FBXL13: variants seen among roughly 807,000 people sequenced by gnomAD.
FBXL13 encodes the protein F-box and leucine rich repeat protein 13.
A neutral mutation model predicts 83.6 loss-of-function variants in FBXL13; 67 were observed. That is an observed-to-expected ratio of 0.80 (90% confidence interval 0.66 to 0.98). The LOEUF (loss-of-function observed/expected upper bound fraction) is 0.98. Among genes scored for constraint, FBXL13 ranks in the 50% least tolerant of loss-of-function variants. The pLI, the probability that FBXL13 is intolerant of heterozygous loss-of-function variation, is 0.00. For synonymous variants in FBXL13, 272 were observed against 299.5 expected (o/e 0.91, Z 0.95); for missense variants, 822 against 866.5 (o/e 0.95, Z 0.64).
chr7:102,829,281 G>A (rs1293688147), intron 18 of FBXL13, among the ~76,000 whole-genome samples: 1 of 152,206 alleles, frequency 6.6e-6, no homozygotes, highest in Non-Finnish European at 1.5e-5. Context: ...TCTGCTTCAT[G>A]AAGCTTTTTG....
intron 17 of FBXL13, among the ~76,000 whole-genome samples, chr7:102,842,992 C>T (rs925369204): frequency 6.6e-6 from 1 of 152,212 alleles, no homozygotes; most frequent in Admixed American, 6.5e-5. Context: ...CCGCCCTTCC[C>T]AGTCCCTTAT....
At chr7:102,956,104 C>G (rs1824227698) in intron 8 of FBXL13, among the ~76,000 whole-genome samples, 1 of 152,114 alleles carries the variant, frequency 6.6e-6, no homozygotes, top group Admixed American at 6.5e-5. Context: ...AGACCAATAT[C>G]CCTGATGAAT....
At chr7:103,071,136 C>G (rs1246077303) in intron 1 of FBXL13, among the ~76,000 whole-genome samples, 1 of 151,336 alleles carries the variant, frequency 6.6e-6, no homozygotes, top group Non-Finnish European at 1.5e-5. Flanking sequence ...TGAAAAAGAT[C>G]CAAACTTGAG....
At chr7:103,019,754 C>A (rs975208633) in intron 6 of FBXL13, among the ~76,000 whole-genome samples, 2 of 152,130 alleles carry the variant, frequency 1.3e-5, no homozygotes, top group African/African-American at 4.8e-5. Flanking sequence ...GACACATACA[C>A]CCTCCCAAGA....
chr7:102,966,378 C>A (rs1369403227), intron 7 of FBXL13, among the ~76,000 whole-genome samples: 1 of 152,140 alleles, frequency 6.6e-6, no homozygotes, highest in Non-Finnish European at 1.5e-5. Context: ...CAGGACCACA[C>A]TTTGAGAACC....
intron 6 of FBXL13, among the ~76,000 whole-genome samples, chr7:103,022,825 G>A (rs1793365896): frequency 1.3e-5 from 2 of 152,078 alleles, no homozygotes; most frequent in South Asian, 4.2e-4. Context: ...TTAACAAATG[G>A]GGCCTAATTA....
chr7:103,056,190 T>C (rs1797314006), intron 1 of FBXL13, among the ~76,000 whole-genome samples: 1 of 152,206 alleles, frequency 6.6e-6, no homozygotes. Context: ...TTAGTTCCTT[T>C]TCATGGCTGA....
chr7:102,949,601 C>T (rs1482588638), intron 8 of FBXL13, among the ~76,000 whole-genome samples: 2 of 151,912 alleles, frequency 1.3e-5, no homozygotes, highest in African/African-American at 4.8e-5. Context: ...CATTTGCTTC[C>T]TTAAAAAAAA....
At chr7:102,959,127 A>G (rs1423263736) in intron 8 of FBXL13, among the ~76,000 whole-genome samples, 1 of 152,112 alleles carries the variant, frequency 6.6e-6, no homozygotes, top group African/African-American at 2.4e-5. Context: ...AATTCAAGAG[A>G]ATCAATTGAC....
At chr7:102,854,107 A>T (rs1473678747) in intron 17 of FBXL13, among the ~76,000 whole-genome samples, 1 of 152,046 alleles carries the variant, frequency 6.6e-6, no homozygotes, top group Non-Finnish European at 1.5e-5. Context: ...AATAGCAAAG[A>T]CTTAGAACCA....
intron 10 of FBXL13, among the ~76,000 whole-genome samples, chr7:102,924,930 G>A (rs977300187): frequency 1.3e-5 from 2 of 152,050 alleles, no homozygotes; most frequent in Admixed American, 6.6e-5. Flanking sequence ...TGCCCGGCCT[G>A]TGTAAGCTTT....
chr7:102,840,641 C>T (rs543122247), intron 17 of FBXL13, among the ~76,000 whole-genome samples: 3 of 152,158 alleles, frequency 2.0e-5, no homozygotes, highest in African/African-American at 7.2e-5. Flanking sequence ...AAAGAGTTCA[C>T]GAACTATTAT....
intron 2 of FBXL13, among the ~76,000 whole-genome samples, chr7:103,049,542 C>G (rs1298659985): frequency 6.6e-6 from 1 of 152,102 alleles, no homozygotes; most frequent in Non-Finnish European, 1.5e-5. Context: ...AAGATTACTA[C>G]AGTAGTTGTA....
At chr7:103,069,056 G>A (rs540211359) in intron 1 of FBXL13, among the ~76,000 whole-genome samples, 2 of 150,866 alleles carry the variant, frequency 1.3e-5, no homozygotes, top group African/African-American at 4.9e-5. Flanking sequence ...GGGAAGTGAG[G>A]AGCACCTCTG....
At chr7:102,961,150 A>G (rs1825130297) in intron 8 of FBXL13, among the ~76,000 whole-genome samples, 1 of 151,266 alleles carries the variant, frequency 6.6e-6, no homozygotes, top group Non-Finnish European at 1.5e-5. Context: ...CAGGATACAA[A>G]ATCAATGCAC....
chr7:102,925,590 G>A (rs998622613), intron 10 of FBXL13, among the ~76,000 whole-genome samples: 2 of 152,114 alleles, frequency 1.3e-5, no homozygotes, highest in Non-Finnish European at 2.9e-5. Context: ...CAGAGCATGG[G>A]AACAGGGATC....
At chr7:103,023,079 A>G (rs988296953) in intron 6 of FBXL13, among the ~76,000 whole-genome samples, 1 of 152,092 alleles carries the variant, frequency 6.6e-6, no homozygotes, top group African/African-American at 2.4e-5. Context: ...GATCGAGACC[A>G]TCCTGGCTAA....
Position 102,832,988 on chromosome 7 carries a change from C to G in FBXL13, c.1720-14G>C, listed in dbSNP as rs1196526596. On this transcript the variant is annotated splice_polypyrimidine_tract_variant and intron_variant, in intron 17 of 19. Coordinates refer to ENST00000313221, the Ensembl canonical transcript of FBXL13. ...TTTGCAGAATGCCTGCAAAAAATTC[C>G]AAGGTCAAATTTTTTCTTTTCTTTA... The G allele has an allele frequency of 2.5e-6, 4 of 1,613,786 alleles. No homozygotes were observed. The highest frequency in any genetic ancestry group is 3.4e-6 in the Non-Finnish European group (4 of 1,179,900).
chr7:102,985,663 G>T (rs1828856116), intron 6 of FBXL13, among the ~76,000 whole-genome samples: 1 of 152,118 alleles, frequency 6.6e-6, no homozygotes. Context: ...AATTGAACAG[G>T]AATAACAGAA....
Sources: allele counts gnomAD v4.1 joint callset (sites outside exome capture counted in the v4.1 genomes callset), GRCh38; gene constraint gnomAD v4.1.1; transcripts MANE v1.5; gene names NCBI Gene and HGNC (gene_info 2026-07-23, HGNC 2026-07-21).